ANKRD46: variants seen among roughly 807,000 people sequenced by gnomAD.
ANKRD46 encodes the protein ankyrin repeat domain-containing protein 46.
ANKRD46 carries 13 observed loss-of-function variants against 19.8 expected under a neutral mutation model. The observed-to-expected ratio is 0.66, with a 90% CI of 0.43 to 1.04. The LOEUF is 1.04. Among genes scored for constraint, ANKRD46 ranks in the 50% least tolerant of loss-of-function variants. The pLI is 0.00. For missense variants in ANKRD46, 185 were observed against 274.8 expected (o/e 0.67, Z 2.31); for synonymous variants, 91 against 106.9 (o/e 0.85, Z 0.92).
intron 1 of ANKRD46, among the ~76,000 whole-genome samples, chr8:100,548,195 AAAC>A (rs1812311469): frequency 6.6e-6 from 1 of 152,200 alleles, no homozygotes; most frequent in South Asian, 2.1e-4. Context: ...AATGTATTTA[AAAC>A]AACAGCCAAA....
rs986910477 is a variant in ANKRD46, at chr8:100,521,302, A to T, written c.*1253T>A. 229 of 985,422 alleles carry T rather than the reference A, an allele frequency of 2.3e-4. No homozygotes were observed. The highest frequency in any genetic ancestry group is 2.7e-4 in the Non-Finnish European group (222 of 829,934). The allele number at this position is 985,422 out of a possible 1,614,324, so 61.0% of individuals were successfully genotyped here. A position where few individuals can be genotyped will look rare whatever the true frequency, so the allele number is the denominator to read the frequency against. On this transcript the variant is annotated 3_prime_UTR_variant, in exon 5 of 5. Transcript: ENST00000335659. ...AGCTTAGGTGCCTTTATTCCAAAAA[A>T]CAAAACCATTAGTTCTTTCACTACA...
intron 1 of ANKRD46, among the ~76,000 whole-genome samples, chr8:100,549,697 T>C (rs903384492): frequency 6.6e-6 from 1 of 152,056 alleles, no homozygotes; most frequent in Admixed American, 6.5e-5. Flanking sequence ...TAACACATCA[T>C]TATCACCCAG....
At chr8:100,520,676 CTG>C, downstream of ANKRD46, 1 of 486,050 alleles carries the variant, frequency 2.1e-6, no homozygotes, top group Non-Finnish European at 2.6e-6. Context: ...TGAAAAAAAG[CTG>C]TGTTTTAAAA....
rs140382440 is a variant in ANKRD46, at chr8:100,526,653, G to A, written c.470+1192C>T. Among the ~76,000 whole-genome samples the A allele has an allele frequency of 4.3e-4, 65 of 152,268 alleles. No homozygotes were observed. The South Asian group carries it at 6.6e-3, about 16-fold the overall frequency. ...GATTTCTTTAGGACTGTATTAAAGT[G>A]CTTGAAAGTATCTGAACAAAATAGA... On this transcript the variant is annotated intron_variant, in intron 4 of 4. Coordinates refer to ENST00000335659, the MANE Select transcript of ANKRD46 (RefSeq NM_001270377.2).
intron 5 of ANKRD46, among the ~76,000 whole-genome samples, chr8:100,513,417 TA>T (rs1811580078): frequency 6.6e-6 from 1 of 152,252 alleles, no homozygotes; most frequent in South Asian, 2.1e-4. Context: ...AGTACTTAAA[TA>T]ATACAGTTAT....
chr8:100,528,523 T>C (rs537373818), intron 3 of ANKRD46, among the ~76,000 whole-genome samples: 13 of 151,410 alleles, frequency 8.6e-5, no homozygotes, highest in Admixed American at 3.9e-4. Flanking sequence ...TTTTCTTTTT[T>C]TTTTTTTTTT....
At chr8:100,523,745 G>A (rs1811780573) in intron 4 of ANKRD46, among the ~76,000 whole-genome samples, 1 of 151,946 alleles carries the variant, frequency 6.6e-6, no homozygotes, top group African/African-American at 2.4e-5. Flanking sequence ...CCCAGCTCAA[G>A]CAATCCTCCT....
At chr8:100,535,528 C>T (rs889992125) in intron 1 of ANKRD46, among the ~76,000 whole-genome samples, 6 of 152,112 alleles carry the variant, frequency 3.9e-5, no homozygotes, top group Non-Finnish European at 8.8e-5. Context: ...TCATATGTTG[C>T]CCTTTTTAGC....
rs555435429 is a variant in ANKRD46, at chr8:100,510,339, A to G, written c.*238T>C. 134 of 413,468 alleles carry G rather than the reference A, an allele frequency of 3.2e-4. No individual in the cohort carries two copies. Among genetic ancestry groups the G allele is most frequent in the Middle Eastern group, 3.1e-3 (5 of 1,592 alleles). The allele number at this position is 413,468 out of a possible 1,614,324, so 25.6% of individuals were successfully genotyped here. ...AGGAGGGGATGGTTCCTGGAGCTCCATCTTGAGGATCTGGGAGGCCAGGAA... is the reference window on the plus strand; with the variant it reads ...AGGAGGGGATGGTTCCTGGAGCTCCGTCTTGAGGATCTGGGAGGCCAGGAA... On this transcript the variant is annotated 3_prime_UTR_variant, in exon 6 of 6. Transcript: ENST00000520552. This position sits in a 1 kb window ranked among gnomAD's most constrained non-coding sequence, Gnocchi z 4.9.
Position 100,521,135 on chromosome 8 carries a change from G to A in ANKRD46, c.*1420C>T. On this transcript the variant is annotated 3_prime_UTR_variant, in exon 5 of 5. Transcript: ENST00000335659. ...AATTTTACAACAGCTATTAAAGAGA[G>A]GATAAAGCCACATGAAAGAGCAAGC... The A allele has an allele frequency of 5.1e-6, 5 of 984,932 alleles. No homozygotes were observed. Among genetic ancestry groups the A allele is most frequent in the Non-Finnish European group, 6.0e-6 (5 of 829,868 alleles). 61.0% of individuals were successfully genotyped at this position (984,932 alleles called of 1,614,324 possible).
rs1216114855 is a variant in ANKRD46 at position 100,532,170 on chromosome 8, C to G, written c.-28+1039G>C. On this transcript the variant is annotated intron_variant, in intron 2 of 4. Transcript: ENST00000335659. The surrounding 1 kb of genome is among the most constrained non-coding windows in gnomAD (Gnocchi z 4.7). ...CTTCAGATTATGATACATATGATGA[C>G]TTTTTAAAAATCTGGCTGGACACAG... 6.6e-6 allele frequency among the ~76,000 whole-genome samples: 1 copy of G among 152,114 alleles called. No individual in the cohort carries two copies. Among genetic ancestry groups the G allele is most frequent in the Non-Finnish European group, 1.5e-5 (1 of 68,012 alleles).
chr8:100,516,209 G>C (rs973429542), downstream of ANKRD46, among the ~76,000 whole-genome samples: 2 of 152,144 alleles, frequency 1.3e-5, no homozygotes, highest in Non-Finnish European at 2.9e-5. Flanking sequence ...TCATTCAAAT[G>C]ATTCATTAGA....
rs1430876670 is a variant in ANKRD46, at chr8:100,537,413, A to G, written c.-130-4102T>C. Among the ~76,000 whole-genome samples the G allele has an allele frequency of 6.6e-6, 1 of 152,216 alleles. No individual in the cohort carries two copies. The highest frequency in any genetic ancestry group is 2.4e-5 in the African/African-American group (1 of 41,466). On this transcript the variant is annotated intron_variant, in intron 1 of 4. Transcript: ENST00000335659. The surrounding 1 kb of genome is among the most constrained non-coding windows in gnomAD (Gnocchi z 4.2). The stretch of plus-strand genomic sequence containing the variant: ...CTGGAAAGATATTCTGTCAGATCTT[A>G]TTGCCTTTGCCATTTTCTAATGTCA...
At position 100,557,567 on chromosome 8, in the gene ANKRD46, T is replaced by C. The variant is rs559942197; in HGVS notation, c.-131+2144A>G. 6.6e-6 allele frequency among the ~76,000 whole-genome samples: 1 copy of C among 152,260 alleles called. No homozygotes were observed. Among genetic ancestry groups the C allele is most frequent in the South Asian group, 2.1e-4 (1 of 4,820 alleles). Reference sequence around the variant, plus strand: ...AAGCCAGATCCCCTCATTCCTCTGCTCAAAACCCTCCAAACACCTCCCTTC... The same window carrying C: ...AAGCCAGATCCCCTCATTCCTCTGCCCAAAACCCTCCAAACACCTCCCTTC... On this transcript the variant is annotated intron_variant, in intron 1 of 4. Coordinates refer to ENST00000335659, the MANE Select transcript of ANKRD46 (RefSeq NM_001270377.2). The surrounding 1 kb of genome is among the most constrained non-coding windows in gnomAD (Gnocchi z 5.9).
chr8:100,551,484 G>C, intron 1 of ANKRD46: 1 of 766,514 alleles, frequency 1.3e-6, no homozygotes, highest in Non-Finnish European at 2.3e-6. Flanking sequence ...TCTTGCTCCT[G>C]GAAGATGGTG....
chr8:100,550,896 T>C lies in ANKRD46; in HGVS notation c.-131+8815A>G. ...AGAGGAAACAACCTGGTGTTCAGTGTAGCCCAAGATGCCCTTGAGGGGCCC... is the reference window on the plus strand; with the variant it reads ...AGAGGAAACAACCTGGTGTTCAGTGCAGCCCAAGATGCCCTTGAGGGGCCC... On this transcript the variant is annotated intron_variant, in intron 1 of 4. Transcript: ENST00000335659. The surrounding 1 kb of genome is among the most constrained non-coding windows in gnomAD (Gnocchi z 4.4). 1 of 563,618 alleles carries C rather than the reference T, an allele frequency of 1.8e-6. No homozygotes were observed. Among genetic ancestry groups the C allele is most frequent in the Non-Finnish European group, 3.4e-6 (1 of 298,158 alleles). The allele number at this position is 563,618 out of a possible 1,614,324, so 34.9% of individuals were successfully genotyped here. A position where few individuals can be genotyped will look rare whatever the true frequency, so the allele number is the denominator to read the frequency against.
intron 1 of ANKRD46, among the ~76,000 whole-genome samples, chr8:100,549,727 G>T (rs1003027863): frequency 6.6e-6 from 1 of 151,980 alleles, no homozygotes; most frequent in African/African-American, 2.4e-5. Context: ...TTTGCATTAG[G>T]GTTCACTCTT....
rs1429495066 is a variant in ANKRD46, at chr8:100,537,632, TC to T, written c.-130-4322del. On this transcript the variant is annotated intron_variant, in intron 1 of 4. Transcript: ENST00000335659. This position sits in a 1 kb window ranked among gnomAD's most constrained non-coding sequence, Gnocchi z 4.2. Reference sequence around the variant, plus strand: ...ACTGCTAGTACTTTAAAATTACTGTTCTTAAAACCTGAGCTCTGCAAAAATC... The same window carrying T: ...ACTGCTAGTACTTTAAAATTACTGTTTTAAAACCTGAGCTCTGCAAAAATC... 1.3e-5 allele frequency among the ~76,000 whole-genome samples: 2 copies of T among 152,214 alleles called. No individual in the cohort carries two copies. Among genetic ancestry groups the T allele is most frequent in the African/African-American group, 4.8e-5 (2 of 41,464 alleles).
chr8:100,556,156 G>C (rs1812494537), intron 1 of ANKRD46, among the ~76,000 whole-genome samples: 1 of 152,162 alleles, frequency 6.6e-6, no homozygotes, highest in Admixed American at 6.5e-5. Flanking sequence ...AAGTAGCTGG[G>C]ACCACAGGTG....
Sources: allele counts gnomAD v4.1 joint callset (sites outside exome capture counted in the v4.1 genomes callset), GRCh38; gene constraint gnomAD v4.1.1; non-coding constraint Gnocchi (gnomAD v3.1); transcripts MANE v1.5; gene names NCBI Gene and HGNC (gene_info 2026-07-23, HGNC 2026-07-21).